Variants in SLC10A7 observed in about 807,000 individuals in gnomAD.
The protein encoded by SLC10A7 is solute carrier family 10 member 7, also known as sodium/bile acid cotransporter 7.
In SLC10A7, 29 loss-of-function variants were observed where a neutral mutation model predicts 43.2. The ratio of observed to expected loss-of-function variants is 0.67; its 90% CI spans 0.50 to 0.92. The LOEUF is 0.92. Ranked by LOEUF, SLC10A7 falls within the 40% of genes least tolerant of loss-of-function variation. The pLI is 0.00. For missense variants in SLC10A7, 295 were observed against 403.2 expected (o/e 0.73, Z 2.30); for synonymous variants, 152 against 144.8 (o/e 1.05, Z -0.35).
chr4:146,507,735 G>GT (rs1435608880), intron 3 of SLC10A7, among the ~76,000 whole-genome samples: 2 of 152,106 alleles, frequency 1.3e-5, no homozygotes, highest in African/African-American at 2.4e-5. Flanking sequence ...ACTATGCAAG[G>GT]TAAGGAGCAT....
rs140701129 is a variant in SLC10A7, at chr4:146,310,824, A to G, written c.472-4815T>C. 2.6e-5 allele frequency among the ~76,000 whole-genome samples: 4 copies of G among 152,178 alleles called. No individual in the cohort carries two copies. In the East Asian group the frequency reaches 7.7e-4, roughly 29 times the overall value. On this transcript the variant is annotated intron_variant, in intron 6 of 11. Coordinates refer to ENST00000335472, the MANE Select transcript of SLC10A7 (RefSeq NM_001029998.6). ...ATCTAAACCCACAAGTGTAGCTCCA[A>G]AGCCCTCACACTTAACTCTTTACAC...
intron 6 of SLC10A7, among the ~76,000 whole-genome samples, chr4:146,314,812 T>G (rs771474718): frequency 1.6e-4 from 25 of 152,142 alleles, no homozygotes; most frequent in Non-Finnish European, 3.4e-4. Flanking sequence ...ACTCAAAGTG[T>G]TACTGACCTT....
chr4:146,493,949 C>T (rs992034877), intron 4 of SLC10A7, among the ~76,000 whole-genome samples: 16 of 152,280 alleles, frequency 1.1e-4, no homozygotes, highest in South Asian at 8.3e-4. Context: ...TGCAAGCACT[C>T]GACATACGTT....
intron 5 of SLC10A7, among the ~76,000 whole-genome samples, chr4:146,378,088 G>A (rs12374207): frequency 0.51 from 77,556 of 152,056 alleles, 20,129 homozygotes; most frequent in East Asian, 0.63. Flanking sequence ...AAGAGTATGC[G>A]TTTTAGGTGG....
rs139364354 is a variant in SLC10A7 at position 146,512,932 on chromosome 4, AT to A, written c.184-2884del. Among the ~76,000 whole-genome samples, 1,094 of 152,312 alleles carry A rather than the reference AT, an allele frequency of 7.2e-3. 19 individuals are homozygous for A. Among genetic ancestry groups the A allele is most frequent in the African/African-American group, 0.024 (1,016 of 41,588 alleles). ...GAATACTATTTGATGTACAAAAAAA[AT>A]GGGCTTATTTATGTGTTGAGATGAA... On this transcript the variant is annotated intron_variant, in intron 2 of 11. Transcript: ENST00000335472.
chr4:146,451,798 G>C (rs1731624354), intron 4 of SLC10A7, among the ~76,000 whole-genome samples: 1 of 152,022 alleles, frequency 6.6e-6, no homozygotes, highest in Non-Finnish European at 1.5e-5. Context: ...CAAAGTTCTG[G>C]CCAATGAGAT....
chr4:146,482,567 T>A (rs1734567340), intron 4 of SLC10A7, among the ~76,000 whole-genome samples: 1 of 125,680 alleles, frequency 8.0e-6, no homozygotes. Flanking sequence ...AATGACTCAG[T>A]CAGAAGAAAA....
intron 5 of SLC10A7, among the ~76,000 whole-genome samples, chr4:146,354,291 G>C (rs1425407727): frequency 4.6e-5 from 7 of 151,864 alleles, no homozygotes; most frequent in Non-Finnish European, 5.9e-5. Context: ...ATTCACAATT[G>C]CTTCAAACAG....
chr4:146,441,549 T>G, intron 5 of SLC10A7: 1 of 566,942 alleles, frequency 1.8e-6, no homozygotes, highest in Non-Finnish European at 2.2e-6. Context: ...AGAAAGTTCA[T>G]GTTTTACAGA....
At chr4:146,446,802 A>G (rs1291583431) in intron 4 of SLC10A7, among the ~76,000 whole-genome samples, 1 of 151,798 alleles carries the variant, frequency 6.6e-6, no homozygotes, top group Admixed American at 6.6e-5. Flanking sequence ...CTATTTATCT[A>G]TCTATAGTGA....
At chr4:146,358,031 T>G (rs534843822) in intron 5 of SLC10A7, among the ~76,000 whole-genome samples, 1 of 147,996 alleles carries the variant, frequency 6.8e-6, no homozygotes, top group East Asian at 2.0e-4. Flanking sequence ...AGGATGCTCC[T>G]AATGAAGCAC....
At chr4:146,452,974 A>T (rs1338683865) in intron 4 of SLC10A7, among the ~76,000 whole-genome samples, 1 of 151,852 alleles carries the variant, frequency 6.6e-6, no homozygotes, top group Non-Finnish European at 1.5e-5. Flanking sequence ...TACAGGAATT[A>T]ACAGAAGTAT....
chr4:146,442,305 A>AT (rs1426196374), intron 5 of SLC10A7: 3 of 985,042 alleles, frequency 3.0e-6, no homozygotes, highest in East Asian at 1.1e-4. Context: ...TTCCTTTCAA[A>AT]TTTTTTTTCA....
At chr4:146,450,553 G>T (rs1367854123) in intron 4 of SLC10A7, among the ~76,000 whole-genome samples, 1 of 152,142 alleles carries the variant, frequency 6.6e-6, no homozygotes. Flanking sequence ...GAAATGAGAA[G>T]CACAGGCTTT....
chr4:146,345,486 G>A (rs759169389), intron 5 of SLC10A7, among the ~76,000 whole-genome samples: 15 of 151,938 alleles, frequency 9.9e-5, no homozygotes, highest in South Asian at 2.1e-4. Context: ...CTCTCTATAC[G>A]CTAGCCACAG....
At position 146,492,731 on chromosome 4, in the gene SLC10A7, G is replaced by A. The variant is rs181393676; in HGVS notation, c.396+11118C>T. On this transcript the variant is annotated intron_variant, in intron 4 of 11. Transcript: ENST00000335472. ...ACATCTTAATATAAAAAGAGAATACGTTGGGAAAGCATAAAAATCTACATT... is the reference window on the plus strand; with the variant it reads ...ACATCTTAATATAAAAAGAGAATACATTGGGAAAGCATAAAAATCTACATT... Among the ~76,000 whole-genome samples, 656 of 152,244 alleles carry A rather than the reference G, an allele frequency of 4.3e-3. 5 individuals are homozygous for A. Among genetic ancestry groups the A allele is most frequent in the African/African-American group, 0.015 (615 of 41,548 alleles).
intron 4 of SLC10A7, among the ~76,000 whole-genome samples, chr4:146,492,832 A>G (rs1735576764): frequency 6.6e-6 from 1 of 152,192 alleles, no homozygotes; most frequent in Non-Finnish European, 1.5e-5. Flanking sequence ...TCTCATTTAC[A>G]TGGGTCTTAT....
chr4:146,349,570 T>G (rs1438239352), intron 5 of SLC10A7, among the ~76,000 whole-genome samples: 1 of 152,220 alleles, frequency 6.6e-6, no homozygotes, highest in African/African-American at 2.4e-5. Flanking sequence ...GCATGTTCAC[T>G]GCACCACTAT....
At chr4:146,483,340 G>C (rs567351372) in intron 4 of SLC10A7, among the ~76,000 whole-genome samples, 2 of 152,162 alleles carry the variant, frequency 1.3e-5, no homozygotes, top group African/African-American at 4.8e-5. Flanking sequence ...AAACATAAAT[G>C]GGGTAAGGTA....
Sources: gnomAD v4.1 joint callset for allele counts (sites outside exome capture counted in the v4.1 genomes callset) on GRCh38, gnomAD v4.1.1 for gene constraint, MANE v1.5 for transcripts, NCBI Gene and HGNC (gene_info 2026-07-23, HGNC 2026-07-21) for gene names.